TMTC2: variants seen among roughly 807,000 people sequenced by gnomAD.
TMTC2 encodes the protein transmembrane O-mannosyltransferase targeting cadherins 2.
TMTC2 carries 43 observed loss-of-function variants against 82.4 expected under a neutral mutation model. That is an observed-to-expected ratio of 0.52 (90% CI 0.41 to 0.67). TMTC2 has a LOEUF of 0.67. TMTC2 is among the 30% of genes least tolerant of loss of function. TMTC2 has a pLI of 0.00. For synonymous variants in TMTC2, 408 were observed against 381.9 expected, an observed-to-expected ratio of 1.07 and a Z score of -0.80; for missense variants, 919 against 1,012.4, an observed-to-expected ratio of 0.91 and a Z score of 1.25.
intron 1 of TMTC2, among the ~76,000 whole-genome samples, chr12:82,820,502 G>GT (rs1249022783): frequency 6.6e-6 from 1 of 151,868 alleles, no homozygotes; most frequent in Admixed American, 6.6e-5. Context: ...AGCCTCCTGA[G>GT]TAGCTGGGAC....
intron 3 of TMTC2, among the ~76,000 whole-genome samples, chr12:82,925,069 TG>T (rs1875621260): frequency 6.6e-6 from 1 of 152,186 alleles, no homozygotes; most frequent in Non-Finnish European, 1.5e-5. Context: ...TTTCCTTATG[TG>T]GCATCAGCAG....
intron 2 of TMTC2, among the ~76,000 whole-genome samples, chr12:82,871,871 G>C (rs112592674): frequency 1.9e-3 from 291 of 151,894 alleles, no homozygotes; most frequent in African/African-American, 6.6e-3. Context: ...TACTAATCTA[G>C]ATGTTGAGGG....
chr12:83,008,056 C>T (rs60531424), intron 8 of TMTC2, among the ~76,000 whole-genome samples: 1 of 152,278 alleles, frequency 6.6e-6, no homozygotes, highest in East Asian at 1.9e-4. Context: ...AAGATTTTCT[C>T]CTTGTCTTCC....
chr12:82,866,244 CAA>C (rs762068833), intron 2 of TMTC2, among the ~76,000 whole-genome samples: 12 of 52,318 alleles, frequency 2.3e-4, no homozygotes, highest in Admixed American at 6.3e-4. Context: ...TTGAAAAGAT[CAA>C]AAAAAAAAAA....
intron 8 of TMTC2, among the ~76,000 whole-genome samples, chr12:83,019,887 T>G (rs2137401431): frequency 6.6e-6 from 1 of 152,268 alleles, no homozygotes; most frequent in African/African-American, 2.4e-5. Context: ...ATAAGCCAGG[T>G]ATGCCCTGCT....
At chr12:82,772,888 G>A (rs570219888) in intron 1 of TMTC2, among the ~76,000 whole-genome samples, 1 of 152,008 alleles carries the variant, frequency 6.6e-6, no homozygotes. Flanking sequence ...TGTCGGAGTG[G>A]GGGGAGACAG....
intron 1 of TMTC2, among the ~76,000 whole-genome samples, chr12:82,765,967 G>A (rs891244720): frequency 1.3e-5 from 2 of 152,074 alleles, no homozygotes; most frequent in African/African-American, 2.4e-5. Flanking sequence ...GACCATACCC[G>A]GCTTCTTTGG....
At chr12:82,827,474 G>C (rs553901726) in intron 1 of TMTC2, among the ~76,000 whole-genome samples, 1 of 152,040 alleles carries the variant, frequency 6.6e-6, no homozygotes. Context: ...AAATTATTAC[G>C]GCTTAAGTGG....
At chr12:82,844,381 T>C (rs1213638710) in intron 1 of TMTC2, among the ~76,000 whole-genome samples, 1 of 152,216 alleles carries the variant, frequency 6.6e-6, no homozygotes, top group African/African-American at 2.4e-5. Flanking sequence ...AGAGAGTATA[T>C]TTGGATAATC....
At chr12:82,937,764 A>ATATATGTGTG (rs1876433800) in intron 4 of TMTC2, among the ~76,000 whole-genome samples, 3 of 18,682 alleles carry the variant, frequency 1.6e-4, no homozygotes, top group African/African-American at 5.8e-4. Context: ...ATATATATAT[A>ATATATGTGTG]TATATATATA....
intron 1 of TMTC2, among the ~76,000 whole-genome samples, chr12:82,741,627 A>G (rs916154184): frequency 1.3e-5 from 2 of 152,158 alleles, no homozygotes; most frequent in African/African-American, 4.8e-5. Context: ...TTAGCTTTTC[A>G]ATTTACCAAT....
intron 1 of TMTC2, among the ~76,000 whole-genome samples, chr12:82,772,455 A>T (rs954474611): frequency 2.0e-5 from 3 of 152,148 alleles, no homozygotes; most frequent in African/African-American, 4.8e-5. Flanking sequence ...TTTTTTTTAT[A>T]ATTCTATCTT....
chr12:82,829,389 G>A (rs1869625910), intron 1 of TMTC2, among the ~76,000 whole-genome samples: 1 of 152,142 alleles, frequency 6.6e-6, no homozygotes, highest in Non-Finnish European at 1.5e-5. Flanking sequence ...TACACAGCTT[G>A]TGAGTAGCAA....
At chr12:82,763,863 G>A (rs1365683242) in intron 1 of TMTC2, among the ~76,000 whole-genome samples, 1 of 152,228 alleles carries the variant, frequency 6.6e-6, no homozygotes, top group Non-Finnish European at 1.5e-5. Flanking sequence ...GAACGTAATA[G>A]CTTCTCAAAT....
intron 1 of TMTC2, among the ~76,000 whole-genome samples, chr12:82,775,293 TA>T (rs1039676701): frequency 1.3e-5 from 2 of 151,302 alleles, no homozygotes; most frequent in African/African-American, 4.9e-5. Context: ...TATAAAAAAT[TA>T]AAAAAAATAC....
At chr12:83,038,143 G>T (rs1401100291) in intron 9 of TMTC2, among the ~76,000 whole-genome samples, 3 of 119,132 alleles carry the variant, frequency 2.5e-5, no homozygotes, top group Non-Finnish European at 3.4e-5. Context: ...GCTGTGGGGT[G>T]GGGGGAGGGG....
At chr12:83,056,506 G>A (rs902459139) in intron 10 of TMTC2, among the ~76,000 whole-genome samples, 69 of 151,546 alleles carry the variant, frequency 4.6e-4, no homozygotes, top group Admixed American at 4.1e-3. Context: ...ATTTAGAAAC[G>A]CTAACTTCTT....
At chr12:82,934,014 T>C (rs1288717488) in intron 4 of TMTC2, among the ~76,000 whole-genome samples, 1 of 152,174 alleles carries the variant, frequency 6.6e-6, no homozygotes, top group Non-Finnish European at 1.5e-5. Flanking sequence ...ATTTTTTTTC[T>C]TTAGTAGCAG....
At chr12:82,769,492 A>G (rs1282041135) in intron 1 of TMTC2, among the ~76,000 whole-genome samples, 1 of 15,070 alleles carries the variant, frequency 6.6e-5, no homozygotes, top group Non-Finnish European at 1.1e-4. Flanking sequence ...AAAAAGAAAA[A>G]GAAAAAAGAT....
Sources: allele counts gnomAD v4.1 joint callset (sites outside exome capture counted in the v4.1 genomes callset), GRCh38; gene constraint gnomAD v4.1.1; transcripts MANE v1.5; gene names NCBI Gene and HGNC (gene_info 2026-07-23, HGNC 2026-07-21).